GINS2: variants seen among roughly 807,000 people sequenced by gnomAD.
GINS2 encodes GINS complex subunit 2.
Under a neutral mutation model 21.2 loss-of-function variants are expected in GINS2, and 23 were observed. The ratio of observed to expected loss-of-function variants is 1.08; its 90% CI spans 0.78 to 1.53. The LOEUF (loss-of-function observed/expected upper bound fraction) is 1.53. Among genes scored for constraint, GINS2 ranks in the 40% most tolerant of loss-of-function variants. The pLI is 0.00. For missense variants in GINS2, 323 were observed against 233.9 expected, an observed-to-expected ratio of 1.38 and a Z score of -2.49; for synonymous variants, 118 against 85.6, an observed-to-expected ratio of 1.38 and a Z score of -2.09.
intron 3 of GINS2, among the ~76,000 whole-genome samples, chr16:85,681,107 G>A (rs1417890066): frequency 1.3e-5 from 2 of 152,198 alleles, no homozygotes; most frequent in Non-Finnish European, 2.9e-5. Context: ...GTAACCCAAG[G>A]ACAGAGGCAA....
At chr16:85,687,213 C>T (rs1210849373) in intron 2 of GINS2, among the ~76,000 whole-genome samples, 1 of 152,230 alleles carries the variant, frequency 6.6e-6, no homozygotes, top group African/African-American at 2.4e-5. Context: ...GGAGTCAGAC[C>T]CGTCTCAAAA....
intron 1 of GINS2, chr16:85,687,783 C>T (rs2053790614): frequency 2.2e-6 from 1 of 451,062 alleles, no homozygotes; most frequent in African/African-American, 2.0e-5. Context: ...TCCTTCTGGC[C>T]TTTCCGCGGA....
intron 1 of GINS2, among the ~76,000 whole-genome samples, chr16:85,688,270 G>A (rs1052098522): frequency 1.3e-5 from 2 of 152,160 alleles, no homozygotes; most frequent in Admixed American, 6.5e-5. Context: ...TAAATAAGCC[G>A]GGCGCAGTGG....
chr16:85,676,488 C>A lies in GINS2; in HGVS notation c.*1724G>T, dbSNP rs1467679871. Reference sequence around the variant, plus strand: ...GACCTCATCTTTTGGTCCCAGTCTTCCAGGTCTGACCCTTCAGTGTCCAAA... The same window carrying A: ...GACCTCATCTTTTGGTCCCAGTCTTACAGGTCTGACCCTTCAGTGTCCAAA... On this transcript the variant is annotated 3_prime_UTR_variant, in exon 5 of 5. Transcript: ENST00000253462. 1 of 152,240 alleles carries A rather than the reference C, an allele frequency of 6.6e-6. No homozygotes were observed. Among genetic ancestry groups the A allele is most frequent in the African/African-American group, 2.4e-5 (1 of 41,450 alleles). 9.4% of individuals were successfully genotyped at this position (152,240 alleles called of 1,614,324 possible).
At chr16:85,687,344 C>A in intron 2 of GINS2, 116 bp downstream of exon 2, 1 of 578,070 alleles carries the variant, frequency 1.7e-6, no homozygotes, top group South Asian at 2.6e-5. Flanking sequence ...GATAACGGAA[C>A]AGAGGGAGCA....
chr16:85,681,456 A>G (rs2053731597), intron 3 of GINS2, 126 bp downstream of exon 3: 1 of 628,986 alleles, frequency 1.6e-6, no homozygotes, highest in African/African-American at 1.9e-5. Flanking sequence ...CCTGAGAAAC[A>G]GGGCGGCCAG....
At chr16:85,685,679 A>AG (rs2053769392) in intron 2 of GINS2, among the ~76,000 whole-genome samples, 2 of 144,150 alleles carry the variant, frequency 1.4e-5, no homozygotes, top group South Asian at 2.1e-4. Flanking sequence ...TCAAAAAAAA[A>AG]AAAAAAAAAA....
intron 3 of GINS2, 125 bp downstream of exon 3, chr16:85,681,457 G>T: frequency 6.3e-6 from 4 of 632,782 alleles, no homozygotes; most frequent in South Asian, 5.8e-5. Flanking sequence ...CTGAGAAACA[G>T]GGCGGCCAGT....
In GINS2 at chr16:85,678,163, G is replaced by A. The variant is rs3751716; in HGVS notation, c.*49C>T. ...TCCAGAACCACGAGTACCTCATCAC[G>A]TCCTGAGCGCTCACATCCCCCAGCA... On this transcript the variant is annotated 3_prime_UTR_variant, in exon 5 of 5. Coordinates refer to ENST00000253462, the MANE Select transcript of GINS2 (RefSeq NM_016095.3). The A allele has an allele frequency of 0.015, 23,859 of 1,586,192 alleles. 1,347 individuals carry two copies. In the East Asian group the frequency reaches 0.17, roughly 11 times the overall value.
Position 85,676,907 on chromosome 16 carries a change from C to T in GINS2, c.*1305G>A, listed in dbSNP as rs912699802. ...GAGACAGAGTCTTGCTCTCGTTGCC[C>T]AGGCAGGAGTACAGTGGTGCAATCT... On this transcript the variant is annotated 3_prime_UTR_variant, in exon 5 of 5. Coordinates refer to ENST00000253462, the MANE Select transcript of GINS2 (RefSeq NM_016095.3). 2 of 152,202 alleles carry T rather than the reference C, an allele frequency of 1.3e-5. No individual in the cohort carries two copies. The highest frequency in any genetic ancestry group is 2.4e-5 in the African/African-American group (1 of 41,442). The allele number at this position is 152,202 out of a possible 1,614,324, so 9.4% of individuals were successfully genotyped here. A position where few individuals can be genotyped will look rare whatever the true frequency, so the allele number is the denominator to read the frequency against.
intron 2 of GINS2, among the ~76,000 whole-genome samples, chr16:85,683,289 GC>G (rs1260265901): frequency 2.0e-5 from 3 of 151,974 alleles, no homozygotes; most frequent in Admixed American, 6.6e-5. Flanking sequence ...AAAGAGCTCA[GC>G]TCCCAACCCC....
At chr16:85,678,709 A>G in intron 3 of GINS2, 43 bp from the exon 4 acceptor site, 2 of 1,595,040 alleles carry the variant, frequency 1.3e-6, no homozygotes, top group Admixed American at 3.4e-5. Flanking sequence ...ACACTTGATA[A>G]CCTGAGGCAA....
chr16:85,686,274 C>G (rs1033522269), intron 2 of GINS2, among the ~76,000 whole-genome samples: 1 of 152,116 alleles, frequency 6.6e-6, no homozygotes, highest in East Asian at 1.9e-4. Context: ...CAAAATTAGC[C>G]GAGCGTGGTA....
rs77336641 is a variant in GINS2, at chr16:85,678,806, G to A, written c.306-140C>T. 6.5e-3 allele frequency: 5,240 copies of A among 806,146 alleles called. 161 individuals carry two copies. The African/African-American group carries it at 0.07, about 11-fold the overall frequency. The allele number at this position is 806,146 out of a possible 1,614,324, so 49.9% of individuals were successfully genotyped here. A position where few individuals can be genotyped will look rare whatever the true frequency, so the allele number is the denominator to read the frequency against. On this transcript the variant is annotated intron_variant, in intron 3 of 4. Coordinates refer to ENST00000253462, the MANE Select transcript of GINS2 (RefSeq NM_016095.3). ...GTTTTGCTTTATTTTCAACTTTAGG[G>A]TGTAAAGATTTGTAGCAGTTAAGCT...
In GINS2 at chr16:85,687,554, G is replaced by T. The variant is rs756083135; in HGVS notation, c.111C>A (p.Asn37Lys). ...GGGGCACTTCCACGGGTAAACCAGG[G>T]TTAAAAGGCCCCAGGTCCCCCTGCC... Reference protein sequence around the residue: ...YLIGGDLGPFNPGLPVEVPLW... With the variant: ...YLIGGDLGPFKPGLPVEVPLW... Residue 37 changes from asparagine (N) to lysine (K), a missense_variant, in exon 2 of 5, where the codon AAC becomes AAA. By Grantham distance (94) the Asn-to-Lys change is moderately conservative. Coordinates refer to ENST00000253462, the MANE Select transcript of GINS2 (RefSeq NM_016095.3). 14 of 1,571,084 alleles carry T rather than the reference G, an allele frequency of 8.9e-6. No homozygotes were observed. Among genetic ancestry groups the T allele is most frequent in the African/African-American group, 5.5e-5 (4 of 72,386 alleles).
rs1555579575 is a variant in GINS2 at position 85,685,681 on chromosome 16, A to AAAAAACAAAAAAAAAAAAACAAC, written c.205+1778_205+1779insGTTGTTTTTTTTTTTTTGTTTTT. Reference sequence around the variant, plus strand: ...GCAAGACCCTTTCTCAAAAAAAAAAAAAAAAAAAAACCGTCTCAAAGCAGA... The same window carrying AAAAAACAAAAAAAAAAAAACAAC: ...GCAAGACCCTTTCTCAAAAAAAAAAAAAAAACAAAAAAAAAAAAACAACAAAAAAAAAACCGTCTCAAAGCAGA... On this transcript the variant is annotated intron_variant, in intron 2 of 4. Coordinates refer to ENST00000253462, the MANE Select transcript of GINS2 (RefSeq NM_016095.3). 1.4e-3 allele frequency among the ~76,000 whole-genome samples: 203 copies of AAAAAACAAAAAAAAAAAAACAAC among 148,044 alleles called. 2 individuals carry two copies. The highest frequency in any genetic ancestry group is 4.9e-3 in the African/African-American group (194 of 39,446).
Position 85,685,670 on chromosome 16 carries a change from CAA to C in GINS2, c.205+1788_205+1789del, listed in dbSNP as rs752631926. Among the ~76,000 whole-genome samples the C allele has an allele frequency of 2.3e-3, 126 of 55,288 alleles. 2 individuals carry two copies. Among genetic ancestry groups the C allele is most frequent in the Middle Eastern group, 0.01 (1 of 98 alleles). 36.3% of individuals were successfully genotyped at this position (55,288 alleles called of 152,430 possible). A position where few individuals can be genotyped will look rare whatever the true frequency, so the allele number is the denominator to read the frequency against. On this transcript the variant is annotated intron_variant, in intron 2 of 4. Transcript: ENST00000253462. Reference sequence around the variant, plus strand: ...TGGGTGACAGAGCAAGACCCTTTCTCAAAAAAAAAAAAAAAAAAAAACCGTCT... The same window carrying C: ...TGGGTGACAGAGCAAGACCCTTTCTCAAAAAAAAAAAAAAAAAAACCGTCT...
At chr16:85,686,886 T>G (rs992166737) in intron 2 of GINS2, among the ~76,000 whole-genome samples, 8 of 152,268 alleles carry the variant, frequency 5.3e-5, no homozygotes, top group African/African-American at 1.9e-4. Context: ...AAACAAATGC[T>G]TATTTAAGGT....
In GINS2 at chr16:85,678,079, C is replaced by G; in HGVS notation, c.*133G>C. 1 of 775,054 alleles carries G rather than the reference C, an allele frequency of 1.3e-6. No individual in the cohort carries two copies. The highest frequency in any genetic ancestry group is 2.1e-6 in the Non-Finnish European group (1 of 471,296). The allele number at this position is 775,054 out of a possible 1,614,324, so 48.0% of individuals were successfully genotyped here. A position where few individuals can be genotyped will look rare whatever the true frequency, so the allele number is the denominator to read the frequency against. ...CACAAACTTGTTTCTCCAACAACAT[C>G]CTGAATCCATTCCTTGCACCATCAC... is the stretch of plus-strand genomic sequence containing the variant. On this transcript the variant is annotated 3_prime_UTR_variant, in exon 5 of 5. Transcript: ENST00000253462.
Sources: allele counts gnomAD v4.1 joint callset (sites outside exome capture counted in the v4.1 genomes callset), GRCh38; gene constraint gnomAD v4.1.1; transcripts MANE v1.5; gene names NCBI Gene and HGNC (gene_info 2026-07-23, HGNC 2026-07-21).